The following PLCB4 variants were observed in gnomAD, a reference collection of about 807,000 sequenced individuals.
PLCB4 encodes 1-phosphatidylinositol 4,5-bisphosphate phosphodiesterase beta-4.
In PLCB4, 77 loss-of-function variants were observed where a neutral mutation model predicts 178.8. That is an observed-to-expected ratio of 0.43 (90% CI 0.36 to 0.52). The LOEUF (loss-of-function observed/expected upper bound fraction) is 0.52, where lower values mean the gene tolerates loss of function less well. Ranked by LOEUF, PLCB4 falls within the 20% of genes least tolerant of loss-of-function variation. The probability of loss-of-function intolerance (pLI) is 0.00; values close to 1 mark genes in which losing one functional copy is unlikely to be tolerated. For synonymous variants in PLCB4, 496 were observed against 490.8 expected, an observed-to-expected ratio of 1.01 and a Z score of -0.14; for missense variants, 1,024 against 1,453.4, an observed-to-expected ratio of 0.70 and a Z score of 4.80.
intron 28 of PLCB4, among the ~76,000 whole-genome samples, chr20:9,427,844 C>G (rs573081708): frequency 6.6e-5 from 10 of 152,298 alleles, no homozygotes; most frequent in African/African-American, 2.4e-4. Context: ...GGAGCCTCAG[C>G]ATTGTATTGA....
intron 3 of PLCB4, among the ~76,000 whole-genome samples, chr20:9,299,480 T>A (rs966705687): frequency 6.6e-6 from 1 of 152,064 alleles, no homozygotes; most frequent in Non-Finnish European, 1.5e-5. Context: ...AATATGTGTA[T>A]AATATATAAC....
At chr20:9,353,998 C>G (rs1362130141) in intron 7 of PLCB4, among the ~76,000 whole-genome samples, 3 of 152,200 alleles carry the variant, frequency 2.0e-5, no homozygotes, top group African/African-American at 7.2e-5. Context: ...CCAGAACTAT[C>G]TCAAGCAGGA....
chr20:9,305,594 A>C (rs2094756563), intron 3 of PLCB4, among the ~76,000 whole-genome samples: 1 of 151,810 alleles, frequency 6.6e-6, no homozygotes, highest in East Asian at 1.9e-4. Context: ...GTTTCTTTTT[A>C]CTTTATTTTT....
At chr20:9,423,097 A>G (rs56019748) in intron 27 of PLCB4, among the ~76,000 whole-genome samples, 1,691 of 152,250 alleles carry the variant, frequency 0.011, 30 homozygotes, top group African/African-American at 0.039. Flanking sequence ...CCGTTTGGGG[A>G]TAGCAGGAGT....
intron 1 of PLCB4, among the ~76,000 whole-genome samples, chr20:9,071,751 A>G (rs1455433674): frequency 2.6e-5 from 4 of 152,080 alleles, no homozygotes; most frequent in Non-Finnish European, 5.9e-5. Context: ...TGGATTTCTC[A>G]TGCTCTCCAC....
chr20:9,102,740 T>TG (rs34780277), intron 2 of PLCB4, among the ~76,000 whole-genome samples: 620 of 150,676 alleles, frequency 4.1e-3, no homozygotes, highest in South Asian at 0.013. Context: ...AGAGCATATT[T>TG]GGGGGGGGGC....
At chr20:9,423,272 A>G (rs2148578941) in intron 27 of PLCB4, among the ~76,000 whole-genome samples, 1 of 152,358 alleles carries the variant, frequency 6.6e-6, no homozygotes, top group South Asian at 2.1e-4. Context: ...AGAGATACTT[A>G]ATTTATTTAT....
chr20:9,092,969 T>A (rs1019889783), intron 1 of PLCB4, among the ~76,000 whole-genome samples: 1 of 152,180 alleles, frequency 6.6e-6, no homozygotes, highest in Non-Finnish European at 1.5e-5. Context: ...ACGCTATAAA[T>A]GTTGGCTAAA....
At chr20:9,294,050 C>T (rs1009371413) in intron 3 of PLCB4, among the ~76,000 whole-genome samples, 1 of 152,086 alleles carries the variant, frequency 6.6e-6, no homozygotes, top group African/African-American at 2.4e-5. Flanking sequence ...TTCTAGAATC[C>T]TTGTGTTTTA....
chr20:9,401,403 G>A (rs556874399), intron 19 of PLCB4, 87 bp from the exon 20 acceptor site: 10 of 833,970 alleles, frequency 1.2e-5, no homozygotes, highest in Admixed American at 4.0e-5. Flanking sequence ...CTCTAAAAGT[G>A]CTTATGTTCT....
At chr20:9,285,626 T>C (rs1194280265) in intron 3 of PLCB4, among the ~76,000 whole-genome samples, 1 of 152,032 alleles carries the variant, frequency 6.6e-6, no homozygotes, top group Non-Finnish European at 1.5e-5. Flanking sequence ...TGCTACTCTG[T>C]GTGACCCAGT....
chr20:9,151,768 C>G (rs745570186), intron 2 of PLCB4, among the ~76,000 whole-genome samples: 3 of 152,064 alleles, frequency 2.0e-5, no homozygotes, highest in Admixed American at 6.6e-5. Flanking sequence ...ATGGAAGTGA[C>G]TTTGGAACTG....
At chr20:9,392,730 T>C (rs1260139021) in intron 17 of PLCB4, among the ~76,000 whole-genome samples, 1 of 152,168 alleles carries the variant, frequency 6.6e-6, no homozygotes, top group Non-Finnish European at 1.5e-5. Flanking sequence ...GGAGGTGTCC[T>C]GGTACAAGAG....
intron 2 of PLCB4, among the ~76,000 whole-genome samples, chr20:9,196,457 C>T (rs2093473592): frequency 6.6e-6 from 1 of 152,150 alleles, no homozygotes; most frequent in East Asian, 1.9e-4. Flanking sequence ...CTGCTCCTTG[C>T]AAGCTCGATA....
intron 3 of PLCB4, among the ~76,000 whole-genome samples, chr20:9,282,146 C>T (rs1231827840): frequency 6.6e-6 from 1 of 151,958 alleles, no homozygotes; most frequent in African/African-American, 2.4e-5. Context: ...AATGTAGACA[C>T]ACAACTTTGT....
chr20:9,091,838 G>A (rs1162160212), intron 1 of PLCB4, among the ~76,000 whole-genome samples: 1 of 150,710 alleles, frequency 6.6e-6, no homozygotes, highest in East Asian at 1.9e-4. Flanking sequence ...TTTTCTTTTT[G>A]AGAACTGCAT....
chr20:9,172,486 G>A (rs1372238035), intron 2 of PLCB4, among the ~76,000 whole-genome samples: 4 of 152,024 alleles, frequency 2.6e-5, no homozygotes, highest in Non-Finnish European at 4.4e-5. Context: ...AAACCTTTTG[G>A]TGTTACTCTC....
chr20:9,444,808 A>G (rs555138237), intron 32 of PLCB4, among the ~76,000 whole-genome samples: 1 of 152,220 alleles, frequency 6.6e-6, no homozygotes, highest in South Asian at 2.1e-4. Flanking sequence ...TATATAAAAT[A>G]TTGAAGACCA....
intron 2 of PLCB4, among the ~76,000 whole-genome samples, chr20:9,186,581 T>C (rs542137626): frequency 1.3e-5 from 2 of 152,238 alleles, no homozygotes; most frequent in South Asian, 2.1e-4. Context: ...GTGAATTCAC[T>C]TCTTTGTCTT....
Sources: gnomAD v4.1 joint callset for allele counts (sites outside exome capture counted in the v4.1 genomes callset) on GRCh38, gnomAD v4.1.1 for gene constraint, MANE v1.5 for transcripts, NCBI Gene and HGNC (gene_info 2026-07-23, HGNC 2026-07-21) for gene names.